Variants in DIS3 observed in about 807,000 individuals in gnomAD.
DIS3 encodes DIS3 exosome endoribonuclease and 3'-5' exoribonuclease.
DIS3 carries 103 observed loss-of-function variants against 113.0 expected under a neutral mutation model. The ratio of observed to expected loss-of-function variants is 0.91; its 90% CI spans 0.78 to 1.07. The LOEUF is 1.07. Ranked by LOEUF, DIS3 falls within the 50% of genes least tolerant of loss-of-function variation. The probability of loss-of-function intolerance (pLI) is 0.00; values close to 1 mark genes in which losing one functional copy is unlikely to be tolerated. For synonymous variants in DIS3, 402 were observed against 394.3 expected (o/e 1.02, Z -0.23); for missense variants, 1,121 against 1,167.1 (o/e 0.96, Z 0.58).
chr13:72,761,792 G>A lies in DIS3; in HGVS notation c.2365C>T (p.Arg789Trp), dbSNP rs961788436. 6.2e-6 allele frequency: 10 copies of A among 1,613,118 alleles called. No individual in the cohort carries two copies. The Admixed American group carries it at 6.7e-5, about 11-fold the overall frequency. The change falls in exon 18 of 21, where the codon CGG becomes TGG. Residue 789 changes from arginine (R) to tryptophan (W), a missense_variant. Physicochemically the swap from Arg to Trp is moderately radical, Grantham distance 101. Coordinates refer to ENST00000377767, the MANE Select transcript of DIS3 (RefSeq NM_014953.5). Reference protein sequence around the residue: ...IRRYADVIVHRLLAVAIGADC... With the variant: ...IRRYADVIVHWLLAVAIGADC... The stretch of plus-strand genomic sequence containing the variant: ...GCCCCAATAGCCACAGCCAAAAGCC[G>A]ATGAACAATGACATCTGCGTATCTA...
At chr13:72,772,066 G>T in intron 10 of DIS3, 93 bp downstream of exon 10, 1 of 1,263,202 alleles carries the variant, frequency 7.9e-7, no homozygotes, top group Non-Finnish European at 1.1e-6. Context: ...TACTTCACAA[G>T]AGTAATTAAC....
chr13:72,772,534 A>G (rs1236499569), intron 9 of DIS3, among the ~76,000 whole-genome samples, 159 bp downstream of exon 9: 1 of 152,226 alleles, frequency 6.6e-6, no homozygotes, highest in Non-Finnish European at 1.5e-5. Context: ...ATGAAGAAGC[A>G]AATGACTTCT....
rs763292691 is a variant in DIS3, at chr13:72,766,004, G to GT, written c.1937dup (p.His646GlnfsTer12). ...CCTTGGTCTGCAGATCTATAGGATC[G>GT]TGAGTTTCACTGTCCATGTGGAATC... On this transcript the variant is annotated frameshift_variant, in exon 15 of 21. Coordinates refer to ENST00000377767, the MANE Select transcript of DIS3 (RefSeq NM_014953.5). LOFTEE classifies it high-confidence loss of function. The GT allele has an allele frequency of 3.9e-5, 63 of 1,610,746 alleles. No individual in the cohort carries two copies. Among genetic ancestry groups the GT allele is most frequent in the Non-Finnish European group, 5.0e-5 (59 of 1,178,286 alleles).
intron 15 of DIS3, among the ~76,000 whole-genome samples, chr13:72,764,889 C>T (rs1314219818): frequency 6.6e-6 from 1 of 152,044 alleles, no homozygotes; most frequent in Non-Finnish European, 1.5e-5. Context: ...CTCATAAAAG[C>T]TCTTAGTACT....
intron 20 of DIS3, among the ~76,000 whole-genome samples, chr13:72,760,108 G>A (rs2033588530): frequency 6.6e-6 from 1 of 152,136 alleles, no homozygotes; most frequent in Non-Finnish European, 1.5e-5. Context: ...ATGTCATTTA[G>A]GAAGTGTTCT....
Position 72,777,418 on chromosome 13 carries a change from AC to A in DIS3, c.654+1del, listed in dbSNP as rs2034041573. The A allele has an allele frequency of 6.2e-7, 1 of 1,613,854 alleles. No homozygotes were observed. Among genetic ancestry groups the A allele is most frequent in the East Asian group, 2.2e-5 (1 of 44,846 alleles). ...CTTTTCAAAAACAAAACAAAAACAT[AC>A]CCCTTCTTCAGACAAACAAGCAAGA... On this transcript the variant is annotated splice_donor_variant, in intron 4 of 20. Transcript: ENST00000377767. LOFTEE classifies it high-confidence loss of function.
Position 72,760,581 on chromosome 13 carries a change from T to C in DIS3, c.2741A>G (p.Asp914Gly). Residue 914 changes from aspartate to glycine, a missense_variant, in exon 20 of 21, where the codon GAC becomes GGC. Asp to Gly is a moderately conservative substitution (Grantham distance 94). Coordinates refer to ENST00000377767, the MANE Select transcript of DIS3 (RefSeq NM_014953.5). ...FDKVKVKIML[D>G]SSNLQHQKIR... ...CTTCTGATGTTGAAGATTAGATGAG[T>C]CTAACATGATTTTCACTTTAACTTT... 1.2e-6 allele frequency: 2 copies of C among 1,613,556 alleles called. No individual in the cohort carries two copies. The highest frequency in any genetic ancestry group is 1.1e-5 in the South Asian group (1 of 91,060).
chr13:72,762,232 T>C, intron 16 of DIS3, 95 bp from the exon 17 acceptor site: 1 of 1,123,728 alleles, frequency 8.9e-7, no homozygotes, highest in Non-Finnish European at 1.3e-6. Context: ...TGAACAAACA[T>C]CATGTTTTTG....
chr13:72,767,909 G>A lies in DIS3; in HGVS notation c.1883+876C>T, dbSNP rs373952892. Among the ~76,000 whole-genome samples, 9 of 152,232 alleles carry A rather than the reference G, an allele frequency of 5.9e-5. No individual in the cohort carries two copies. In the East Asian group the frequency reaches 7.7e-4, roughly 13 times the overall value. On this transcript the variant is annotated intron_variant, in intron 14 of 20. Transcript: ENST00000377767. ...TTGGTTTCCTCTGATAGTCAACAAC[G>A]TCTTTTAAGAGTCAAATTTCTCTTA...
At chr13:72,781,479 G>A (rs1428921100) in intron 1 of DIS3, 126 bp downstream of exon 1, 2 of 1,432,376 alleles carry the variant, frequency 1.4e-6, no homozygotes, top group Admixed American at 2.7e-5. Context: ...CTTCGGTCCC[G>A]AGGGGGTTTC....
At chr13:72,768,398 C>A (rs1018710840) in intron 14 of DIS3, among the ~76,000 whole-genome samples, 1 of 152,148 alleles carries the variant, frequency 6.6e-6, no homozygotes, top group Non-Finnish European at 1.5e-5. Context: ...ACCTGTAATC[C>A]CAACACTTTG....
At position 72,761,359 on chromosome 13, in the gene DIS3, G is replaced by GTA. The variant is rs1167321996; in HGVS notation, c.2670+2_2670+3dup. On this transcript the variant is annotated splice_donor_region_variant and intron_variant, in intron 19 of 20. Coordinates refer to ENST00000377767, the MANE Select transcript of DIS3 (RefSeq NM_014953.5). ...AAAGAAAACAAACATGAGAAATACC[G>GTA]TACCTCATCATCATAAATAAGCTGT... The GTA allele has an allele frequency of 1.9e-6, 3 of 1,597,798 alleles. No homozygotes were observed. Among genetic ancestry groups the GTA allele is most frequent in the Non-Finnish European group, 2.6e-6 (3 of 1,176,288 alleles).
intron 7 of DIS3, 59 bp downstream of exon 7, chr13:72,773,887 T>A: frequency 6.3e-7 from 1 of 1,591,774 alleles, no homozygotes; most frequent in South Asian, 1.2e-5. Flanking sequence ...AAAGAAAGGC[T>A]ATAAGTTCTA....
Position 72,754,942 on chromosome 13 carries a change from G to T in DIS3, c.*4853C>A. The T allele has an allele frequency of 2.0e-6, 1 of 491,632 alleles. No individual in the cohort carries two copies. The allele number at this position is 491,632 out of a possible 1,614,324, so 30.5% of individuals were successfully genotyped here. A position where few individuals can be genotyped will look rare whatever the true frequency, so the allele number is the denominator to read the frequency against. On this transcript the variant is annotated 3_prime_UTR_variant, in exon 21 of 21. Coordinates refer to ENST00000377767, the MANE Select transcript of DIS3 (RefSeq NM_014953.5). ...TTGCCAGGGCTAGTCCCAAACTCCT[G>T]GGCTCGTGCGATCCTCCCACCTTGG...
chr13:72,777,461 G>A lies in DIS3; in HGVS notation c.613C>T (p.Pro205Ser), dbSNP rs2034043647. ...CAAGCAAGACGATCTATGAGTTCGG[G>A]GTTAGCAGTTAGGCTCTTTACATAT... is the stretch of plus-strand genomic sequence containing the variant. ...EEYVKSLTAN[P>S]ELIDRLACLS... The change falls in exon 4 of 21, where the codon CCC becomes TCC. Residue 205 changes from proline to serine, a missense_variant. Pro to Ser is a moderately conservative substitution (Grantham distance 74). This residue lies in a region of DIS3 where 861 missense variants were observed against 915.5 expected (regional missense o/e 0.94). Coordinates refer to ENST00000377767, the MANE Select transcript of DIS3 (RefSeq NM_014953.5). 6.2e-7 allele frequency: 1 copy of A among 1,614,000 alleles called. No individual in the cohort carries two copies. The highest frequency in any genetic ancestry group is 1.3e-5 in the African/African-American group (1 of 75,002).
In DIS3 at chr13:72,768,853, A is replaced by G. The variant is rs755974091; in HGVS notation, c.1815T>C (p.Asp605=). 3.1e-6 allele frequency: 5 copies of G among 1,607,854 alleles called. No individual in the cohort carries two copies. In the South Asian group the frequency reaches 3.3e-5, roughly 11 times the overall value. Reference sequence around the variant, plus strand: ...TCAGTCCACGGAGACTAGTGGTAATATCATCATTCATGTTTGCTGAATCAA... The same window carrying G: ...TCAGTCCACGGAGACTAGTGGTAATGTCATCATTCATGTTTGCTGAATCAA... The part of the protein sequence containing the change: ...LRIDSANMND[D]ITTSLRGLNK... Residue 605 remains aspartate, a synonymous_variant, in exon 14 of 21, where the codon GAT becomes GAC. Coordinates refer to ENST00000377767, the MANE Select transcript of DIS3 (RefSeq NM_014953.5).
At position 72,773,934 on chromosome 13, in the gene DIS3, CT is replaced by C; in HGVS notation, c.1101+11del. 6.3e-7 allele frequency: 1 copy of C among 1,587,242 alleles called. No homozygotes were observed. Among genetic ancestry groups the C allele is most frequent in the Non-Finnish European group, 8.6e-7 (1 of 1,164,288 alleles). On this transcript the variant is annotated intron_variant, in intron 7 of 20. Coordinates refer to ENST00000377767, the MANE Select transcript of DIS3 (RefSeq NM_014953.5). ...TCATTTTTTTATTACATAGTAAATG[CT>C]CTTTACTCACCTCCTTAATGTCAGA...
At chr13:72,773,919 A>G in intron 7 of DIS3, 27 bp downstream of exon 7, 1 of 1,586,440 alleles carries the variant, frequency 6.3e-7, no homozygotes, top group South Asian at 1.2e-5. Context: ...TCATTTTTTT[A>G]TTACATAGTA....
intron 6 of DIS3, among the ~76,000 whole-genome samples, chr13:72,774,345 T>C (rs1196700053): frequency 6.6e-6 from 1 of 152,142 alleles, no homozygotes; most frequent in Non-Finnish European, 1.5e-5. Flanking sequence ...CTTTTCAGGA[T>C]TAACATGAGG....
Sources: allele counts gnomAD v4.1 joint callset (sites outside exome capture counted in the v4.1 genomes callset), GRCh38; gene constraint gnomAD v4.1.1; regional missense constraint gnomAD v4.1.1; transcripts MANE v1.5; gene names NCBI Gene and HGNC (gene_info 2026-07-23, HGNC 2026-07-21).